LGALS9: variants seen among roughly 807,000 people sequenced by gnomAD.
The protein encoded by LGALS9 is galectin-9.
In LGALS9, 26 loss-of-function variants were observed where a neutral mutation model predicts 35.9. That is an observed-to-expected ratio of 0.72 (90% CI 0.53 to 1.01). The LOEUF is 1.01. Among genes scored for constraint, LGALS9 ranks in the 50% least tolerant of loss-of-function variants. The pLI, the probability that LGALS9 is intolerant of heterozygous loss-of-function variation, is 0.00. For synonymous variants in LGALS9, 149 were observed against 172.2 expected (o/e 0.87, Z 1.06); for missense variants, 347 against 445.8 (o/e 0.78, Z 1.99).
intron 1 of LGALS9, among the ~76,000 whole-genome samples, chr17:27,637,808 T>C (rs2074470342): frequency 6.6e-6 from 1 of 152,152 alleles, no homozygotes; most frequent in Non-Finnish European, 1.5e-5. Flanking sequence ...TTTGGTCCCT[T>C]GGGCTTCCTG....
chr17:27,638,893 G>A (rs1480592547), intron 2 of LGALS9, among the ~76,000 whole-genome samples: 1 of 152,152 alleles, frequency 6.6e-6, no homozygotes, highest in Non-Finnish European at 1.5e-5. Flanking sequence ...ACAGAGAAGA[G>A]CTCACATGGC....
chr17:27,648,249 G>A (rs1349927682), intron 10 of LGALS9, among the ~76,000 whole-genome samples: 4 of 152,254 alleles, frequency 2.6e-5, no homozygotes, highest in African/African-American at 9.6e-5. Flanking sequence ...TCAAGCCAGG[G>A]AGCAACATAC....
intron 3 of LGALS9, 133 bp from the exon 4 acceptor site, chr17:27,642,105 G>T (rs182100632): frequency 6.7e-7 from 1 of 1,499,412 alleles, no homozygotes; most frequent in Non-Finnish European, 9.0e-7. Flanking sequence ...TCACACACAC[G>T]TTCCTGTAAC....
rs746075474 is a variant in LGALS9, at chr17:27,647,038, T to C, written c.678T>C (p.Pro226=). ...MMYPHPAYPM[P]FITTILGGLY... Reference sequence around the variant, plus strand: ...CCCCCTTCTTCCGACAGCCGATGCCTTTCATCACCACCATTCTGGGAGGGC... The same window carrying C: ...CCCCCTTCTTCCGACAGCCGATGCCCTTCATCACCACCATTCTGGGAGGGC... The change falls in exon 9 of 11, where the codon CCT becomes CCC. Residue 226 remains proline, a synonymous_variant. Transcript: ENST00000395473. 1.2e-6 allele frequency: 2 copies of C among 1,613,984 alleles called. No homozygotes were observed. Among genetic ancestry groups the C allele is most frequent in the South Asian group, 1.1e-5 (1 of 91,072 alleles).
intron 3 of LGALS9, among the ~76,000 whole-genome samples, chr17:27,641,525 C>T (rs142955046): frequency 6.4e-4 from 97 of 152,234 alleles, no homozygotes; most frequent in Non-Finnish European, 1.2e-3. Flanking sequence ...CACCCTTGGG[C>T]CTGGTCGGAG....
At chr17:27,646,404 A>G in intron 7 of LGALS9, 143 bp from the exon 8 acceptor site, 1 of 1,278,486 alleles carries the variant, frequency 7.8e-7, no homozygotes, top group Non-Finnish European at 1.1e-6. Flanking sequence ...ATGAAAAGGG[A>G]GGTAGACGGG....
intron 1 of LGALS9, among the ~76,000 whole-genome samples, chr17:27,633,043 A>C (rs1176478537): frequency 6.6e-6 from 1 of 152,166 alleles, no homozygotes; most frequent in Non-Finnish European, 1.5e-5. Flanking sequence ...GGAAGCTGGA[A>C]CCACGTGCTG....
intron 10 of LGALS9, among the ~76,000 whole-genome samples, chr17:27,648,176 T>C (rs1905079889): frequency 6.6e-6 from 1 of 152,278 alleles, no homozygotes; most frequent in Non-Finnish European, 1.5e-5. Context: ...ATGACTGATG[T>C]AGGGCTTTGC....
At chr17:27,636,355 T>G (rs2074451178) in intron 1 of LGALS9, among the ~76,000 whole-genome samples, 1 of 152,250 alleles carries the variant, frequency 6.6e-6, no homozygotes, top group African/African-American at 2.4e-5. Context: ...CTCAGGCCTA[T>G]CTTGCTTCAT....
At chr17:27,643,250 G>C (rs1199249617) in intron 4 of LGALS9, among the ~76,000 whole-genome samples, 1 of 152,060 alleles carries the variant, frequency 6.6e-6, no homozygotes, top group African/African-American at 2.4e-5. Context: ...AGCAAATCTG[G>C]GCTTCTCGCC....
intron 2 of LGALS9, among the ~76,000 whole-genome samples, chr17:27,639,044 C>T (rs887770316): frequency 2.0e-5 from 3 of 152,144 alleles, no homozygotes; most frequent in African/African-American, 7.2e-5. Context: ...CTGAACTCTG[C>T]GGGGCCCACA....
chr17:27,646,981 A>C (rs772537938), intron 8 of LGALS9, 49 bp from the exon 9 acceptor site: 22 of 1,612,606 alleles, frequency 1.4e-5, no homozygotes, highest in Non-Finnish European at 1.8e-5. Flanking sequence ...GAACTGGTAC[A>C]ATCTTCCCCT....
At chr17:27,638,658 A>G (rs144035577) in intron 2 of LGALS9, 250 of 373,274 alleles carry the variant, frequency 6.7e-4, no homozygotes, top group African/African-American at 4.4e-3. Flanking sequence ...CACTGTGACT[A>G]AGAGTTGCAA....
chr17:27,635,463 T>C (rs1397380510), intron 1 of LGALS9, among the ~76,000 whole-genome samples: 12 of 151,004 alleles, frequency 7.9e-5, no homozygotes, highest in Non-Finnish European at 1.5e-5. Context: ...AATAAATAAA[T>C]AAATAAATAA....
rs186701101 is a variant in LGALS9 at position 27,647,922 on chromosome 17, G to C, written c.921+490G>C. On this transcript the variant is annotated intron_variant, in intron 10 of 10. Transcript: ENST00000395473. ...ACAGTGCCACGCACAAAGCAAAACA[G>C]AGCGATGAGATAGAGCGAGCCTGGG... 9.1e-4 allele frequency among the ~76,000 whole-genome samples: 138 copies of C among 152,362 alleles called. 2 individuals are homozygous for C. Among genetic ancestry groups the C allele is most frequent in the African/African-American group, 3.2e-3 (135 of 41,584 alleles).
intron 7 of LGALS9, among the ~76,000 whole-genome samples, chr17:27,646,178 G>T (rs912044716): frequency 5.9e-5 from 9 of 152,116 alleles, no homozygotes; most frequent in African/African-American, 2.2e-4. Context: ...TCACCAAGTG[G>T]GGAGTACAGT....
Position 27,649,009 on chromosome 17 carries a change from G to T in LGALS9, c.*27G>T, listed in dbSNP as rs370734750. On this transcript the variant is annotated 3_prime_UTR_variant, in exon 11 of 11. Coordinates refer to ENST00000395473, the MANE Select transcript of LGALS9 (RefSeq NM_009587.3). The stretch of plus-strand genomic sequence containing the variant: ...CGGCTTCCTGGCCCTGGGGCCGGGG[G>T]CTGGGGTGTGGGGCAGTCTGGGTCC... 9.3e-6 allele frequency: 15 copies of T among 1,613,596 alleles called. No individual in the cohort carries two copies. The highest frequency in any genetic ancestry group is 1.3e-5 in the African/African-American group (1 of 74,888).
Position 27,647,366 on chromosome 17 carries a change from C to T in LGALS9, c.855C>T (p.Asn285=), listed in dbSNP as rs1204589741. The T allele has an allele frequency of 1.2e-6, 2 of 1,614,168 alleles. No individual in the cohort carries two copies. The highest frequency in any genetic ancestry group is 2.7e-5 in the African/African-American group (2 of 75,050). Residue 285 remains asparagine (N), a synonymous_variant, in exon 10 of 11, where the codon AAC becomes AAT. Coordinates refer to ENST00000395473, the MANE Select transcript of LGALS9 (RefSeq NM_009587.3). The part of the protein sequence containing the change: ...NAVVRNTQID[N]SWGSEERSLP... ...TGGTCCGCAACACCCAGATCGACAA[C>T]TCCTGGGGGTCTGAGGAGCGAAGTC... is the stretch of plus-strand genomic sequence containing the variant.
rs764622881 is a variant in LGALS9 at position 27,642,253 on chromosome 17, A to T, written c.349A>T (p.Ile117Phe). Reference sequence around the variant, plus strand: ...CCTCTGGCAGGTGATGGTGAACGGGATCCTCTTCGTGCAGTACTTCCACCG... The same window carrying T: ...CCTCTGGCAGGTGATGGTGAACGGGTTCCTCTTCGTGCAGTACTTCCACCG... The part of the protein sequence containing the change: ...SSDFKVMVNG[I>F]LFVQYFHRVP... Residue 117 changes from isoleucine (I) to phenylalanine (F), a missense_variant, in exon 4 of 11, where the codon ATC becomes TTC. Transcript: ENST00000395473. 5.0e-6 allele frequency: 8 copies of T among 1,612,846 alleles called. No individual in the cohort carries two copies. The highest frequency in any genetic ancestry group is 6.8e-6 in the Non-Finnish European group (8 of 1,179,652).
Sources: allele counts gnomAD v4.1 joint callset (sites outside exome capture counted in the v4.1 genomes callset), GRCh38; gene constraint gnomAD v4.1.1; transcripts MANE v1.5; gene names NCBI Gene and HGNC (gene_info 2026-07-23, HGNC 2026-07-21).